NTRK1: variants seen among roughly 807,000 people sequenced by gnomAD.
The protein encoded by NTRK1 is neurotrophic receptor tyrosine kinase 1.
In NTRK1, 62 loss-of-function variants were observed where a neutral mutation model predicts 86.8. The observed-to-expected ratio is 0.71, with a 90% CI of 0.58 to 0.88. NTRK1 has a LOEUF of 0.88. Among genes scored for constraint, NTRK1 ranks in the 40% least tolerant of loss-of-function variants. The pLI, the probability that NTRK1 is intolerant of heterozygous loss-of-function variation, is 0.00. For synonymous variants in NTRK1, 469 were observed against 456.6 expected (o/e 1.03, Z -0.35); for missense variants, 967 against 1,078.4 (o/e 0.90, Z 1.45).
intron 1 of NTRK1, among the ~76,000 whole-genome samples, chr1:156,839,890 C>T (rs1175238227): frequency 1.3e-5 from 2 of 152,262 alleles, no homozygotes; most frequent in South Asian, 4.1e-4. Flanking sequence ...GCCTCACTGC[C>T]ATGGCAACCC....
At chr1:156,844,384 G>T in intron 2 of NTRK1, 1 of 1,565,996 alleles carries the variant, frequency 6.4e-7, no homozygotes, top group South Asian at 1.2e-5. Context: ...GGAGGGATGC[G>T]GGGGAGGGGC....
intron 2 of NTRK1, among the ~76,000 whole-genome samples, chr1:156,850,274 C>T (rs1035641579): frequency 1.3e-5 from 2 of 152,082 alleles, no homozygotes; most frequent in African/African-American, 2.4e-5. Context: ...TGTAGTGGCA[C>T]GATCTCAGCT....
intron 11 of NTRK1, among the ~76,000 whole-genome samples, 159 bp from the exon 12 acceptor site, chr1:156,875,361 C>T (rs750213283): frequency 3.3e-5 from 5 of 151,968 alleles, no homozygotes; most frequent in Non-Finnish European, 5.9e-5. Flanking sequence ...CAGGGAGAGG[C>T]GGTGGTGCCC....
intron 1 of NTRK1, among the ~76,000 whole-genome samples, chr1:156,821,539 G>C (rs1654192149): frequency 6.6e-6 from 1 of 151,658 alleles, no homozygotes; most frequent in Non-Finnish European, 1.5e-5. Context: ...ATTAAGCTGA[G>C]TTGTAGAGGA....
In NTRK1 at chr1:156,872,230, A is replaced by C. The variant is rs796099656; in HGVS notation, c.850+475A>C. On this transcript the variant is annotated intron_variant, in intron 7 of 16. Coordinates refer to ENST00000524377, the MANE Select transcript of NTRK1 (RefSeq NM_002529.4). ...GTGAAATATACATAGAAATGTGCAA[A>C]AAATATATATATTTTAAACAATAAT... is the stretch of plus-strand genomic sequence containing the variant. Among the ~76,000 whole-genome samples, 13 of 152,264 alleles carry C rather than the reference A, an allele frequency of 8.5e-5. 2 individuals are homozygous for C. Among genetic ancestry groups the C allele is most frequent in the African/African-American group, 3.1e-4 (13 of 41,544 alleles).
chr1:156,863,915 T>C (rs559458420), intron 1 of NTRK1, among the ~76,000 whole-genome samples: 1 of 152,284 alleles, frequency 6.6e-6, no homozygotes, highest in East Asian at 1.9e-4. Context: ...TGGACTTGTG[T>C]GTGTGCACGT....
At chr1:156,850,265 G>A (rs984700189) in intron 2 of NTRK1, among the ~76,000 whole-genome samples, 3 of 152,108 alleles carry the variant, frequency 2.0e-5, no homozygotes, top group Non-Finnish European at 2.9e-5. Flanking sequence ...AGGCTGCAGT[G>A]TAGTGGCACG....
At chr1:156,825,379 C>T (rs1299058345) in intron 1 of NTRK1, among the ~76,000 whole-genome samples, 1 of 152,222 alleles carries the variant, frequency 6.6e-6, no homozygotes, top group Admixed American at 6.5e-5. Flanking sequence ...TCCTTTATAG[C>T]AAGCTCTAGG....
intron 2 of NTRK1, chr1:156,848,946 T>A (rs749757156): frequency 6.3e-7 from 1 of 1,592,328 alleles, no homozygotes; most frequent in Non-Finnish European, 8.5e-7. Flanking sequence ...ACGATGAAGC[T>A]GAGCAGGTCG....
chr1:156,817,388 G>A (rs1474207580), intron 1 of NTRK1, among the ~76,000 whole-genome samples: 2 of 151,796 alleles, frequency 1.3e-5, no homozygotes, highest in East Asian at 3.9e-4. Context: ...TTCATGATCA[G>A]CCCTGGGTAA....
chr1:156,849,042 T>C, intron 2 of NTRK1: 2 of 1,613,048 alleles, frequency 1.2e-6, no homozygotes, highest in Non-Finnish European at 8.5e-7. Flanking sequence ...AGGGTGCGAG[T>C]CTGGCCTGGG....
chr1:156,848,267 T>C (rs1246094169), intron 2 of NTRK1, among the ~76,000 whole-genome samples: 4 of 152,192 alleles, frequency 2.6e-5, no homozygotes, highest in Admixed American at 2.0e-4. Flanking sequence ...CAGGAAATGC[T>C]TCTAAGCCAG....
chr1:156,850,060 G>A (rs556106384), intron 2 of NTRK1, among the ~76,000 whole-genome samples: 1 of 151,964 alleles, frequency 6.6e-6, no homozygotes, highest in South Asian at 2.1e-4. Flanking sequence ...GCACCACCAC[G>A]GTCAGCTAAT....
At chr1:156,819,297 C>T (rs1445568049) in intron 1 of NTRK1, among the ~76,000 whole-genome samples, 1 of 152,060 alleles carries the variant, frequency 6.6e-6, no homozygotes, top group Non-Finnish European at 1.5e-5. Flanking sequence ...CATAAGCCAC[C>T]GCACCTCACC....
At chr1:156,838,575 A>T (rs147406082) in intron 1 of NTRK1, among the ~76,000 whole-genome samples, 72 of 152,332 alleles carry the variant, frequency 4.7e-4, no homozygotes, top group African/African-American at 1.7e-3. Flanking sequence ...TCCCTGTAGC[A>T]TTGGGAAGTC....
At chr1:156,844,733 C>T (rs1486446175) in intron 2 of NTRK1, 2 of 1,614,142 alleles carry the variant, frequency 1.2e-6, no homozygotes, top group East Asian at 2.2e-5. Context: ...TACTTGATTT[C>T]GTACTTGAGG....
At chr1:156,864,581 G>A in intron 2 of NTRK1, 147 bp from the exon 3 acceptor site, 1 of 1,120,326 alleles carries the variant, frequency 8.9e-7, no homozygotes, top group Non-Finnish European at 1.3e-6. Flanking sequence ...GGGCTTTGAG[G>A]GGTCTAGAGT....
rs781419605 is a variant in NTRK1 at position 156,868,221 on chromosome 1, C to G, written c.546C>G (p.Pro182=). ...EQKLQCHGQG[P]LAHMPNASCG... is the part of the protein sequence containing the mutation. ...AGCTGCAGTGTCATGGGCAAGGGCC[C>G]CTGGCCCACATGCCCAATGCCAGCT... The change falls in exon 5 of 17, where the codon CCC becomes CCG. Residue 182 remains proline (P), a synonymous_variant. Transcript: ENST00000524377. 1 of 1,612,016 alleles carries G rather than the reference C, an allele frequency of 6.2e-7. No individual in the cohort carries two copies. The highest frequency in any genetic ancestry group is 8.5e-7 in the Non-Finnish European group (1 of 1,180,032).
intron 1 of NTRK1, chr1:156,816,941 T>G (rs1571633315): frequency 2.5e-6 from 1 of 407,842 alleles, no homozygotes; most frequent in Non-Finnish European, 4.4e-6. Flanking sequence ...CGGTGGGGGG[T>G]ATCTGTGTCA....
Sources: gnomAD v4.1 joint callset for allele counts (sites outside exome capture counted in the v4.1 genomes callset) on GRCh38, gnomAD v4.1.1 for gene constraint, MANE v1.5 for transcripts, NCBI Gene and HGNC (gene_info 2026-07-23, HGNC 2026-07-21) for gene names.